The following PCSK2 variants were observed in gnomAD, a reference collection of about 807,000 sequenced individuals.
PCSK2 encodes the protein proprotein convertase subtilisin/kexin type 2, also known as neuroendocrine convertase 2.
A neutral mutation model predicts 69.7 loss-of-function variants in PCSK2; 14 were observed. The observed-to-expected ratio is 0.20, with a 90% CI of 0.13 to 0.31. The LOEUF is 0.31. Ranked by LOEUF, PCSK2 falls within the 10% of genes least tolerant of loss-of-function variation. The pLI is 1.00. For missense variants in PCSK2, 544 were observed against 842.5 expected (o/e 0.65, Z 4.39); for synonymous variants, 307 against 320.7 (o/e 0.96, Z 0.46).
chr20:17,353,192 G>C (rs146973926), intron 2 of PCSK2, among the ~76,000 whole-genome samples: 1,919 of 152,254 alleles, frequency 0.013, 15 homozygotes, highest in East Asian at 0.035. Flanking sequence ...GCTGGATGCG[G>C]TGGCTCATGC....
intron 10 of PCSK2, among the ~76,000 whole-genome samples, chr20:17,459,903 T>C (rs2032985197): frequency 6.6e-6 from 1 of 152,194 alleles, no homozygotes. Flanking sequence ...AGAGTGTGGG[T>C]AGCTGGCTTC....
At chr20:17,479,428 C>G (rs1031236802) in intron 11 of PCSK2, 13 of 603,676 alleles carry the variant, frequency 2.2e-5, no homozygotes, top group African/African-American at 2.0e-4. Context: ...TGGTACTCCT[C>G]CATGGTAGCG....
At chr20:17,397,632 C>T (rs2031540440) in intron 5 of PCSK2, among the ~76,000 whole-genome samples, 2 of 152,098 alleles carry the variant, frequency 1.3e-5, no homozygotes, top group African/African-American at 2.4e-5. Flanking sequence ...GTGCCCGCCA[C>T]CATGCCCAGC....
intron 3 of PCSK2, among the ~76,000 whole-genome samples, chr20:17,358,780 A>T (rs1399448622): frequency 6.6e-6 from 1 of 152,238 alleles, no homozygotes; most frequent in Admixed American, 6.5e-5. Flanking sequence ...AGAGTAATGC[A>T]GGGGTTTCAA....
intron 2 of PCSK2, among the ~76,000 whole-genome samples, chr20:17,311,149 C>T (rs1423238260): frequency 6.6e-6 from 1 of 152,114 alleles, no homozygotes; most frequent in African/African-American, 2.4e-5. Flanking sequence ...GGACACCCTC[C>T]ATTTTCATGT....
At chr20:17,364,841 G>A (rs931655814) in intron 4 of PCSK2, among the ~76,000 whole-genome samples, 2 of 152,154 alleles carry the variant, frequency 1.3e-5, no homozygotes, top group African/African-American at 4.8e-5. Context: ...TGAAGGCCCC[G>A]CTGGGCTGCA....
At chr20:17,369,150 A>G in intron 4 of PCSK2, 90 bp from the exon 5 acceptor site, 1 of 1,158,254 alleles carries the variant, frequency 8.6e-7, no homozygotes, top group Non-Finnish European at 1.3e-6. Context: ...CACCAGCCCC[A>G]TAAAGAGGGC....
At position 17,346,964 on chromosome 20, in the gene PCSK2, C is replaced by T. The variant is rs79861420; in HGVS notation, c.283-11363C>T. Among the ~76,000 whole-genome samples the T allele has an allele frequency of 4.6e-3, 693 of 152,240 alleles. 4 individuals carry two copies. The highest frequency in any genetic ancestry group is 7.0e-3 in the Non-Finnish European group (478 of 68,010). On this transcript the variant is annotated intron_variant, in intron 2 of 11. Transcript: ENST00000262545. ...TCCCTAATTACATTGATTTATCTCA[C>T]GGTATACCTTGTATCCAGAGCTTTA...
chr20:17,457,312 C>T (rs2032939729), intron 10 of PCSK2, among the ~76,000 whole-genome samples: 2 of 152,134 alleles, frequency 1.3e-5, no homozygotes, highest in South Asian at 2.1e-4. Context: ...AACCAGGGCT[C>T]CCAGCATCAA....
intron 1 of PCSK2, among the ~76,000 whole-genome samples, chr20:17,233,046 T>A (rs1005215949): frequency 5.3e-5 from 8 of 152,216 alleles, no homozygotes; most frequent in Admixed American, 1.3e-4. Context: ...GGTGCTTTGA[T>A]GATGTATAAT....
chr20:17,236,752 G>T (rs545299725), intron 1 of PCSK2, among the ~76,000 whole-genome samples: 2 of 152,290 alleles, frequency 1.3e-5, no homozygotes, highest in African/African-American at 2.4e-5. Flanking sequence ...CATGAAAAAG[G>T]AGCTGTCTCA....
At chr20:17,336,451 AC>A (rs1405826799) in intron 2 of PCSK2, among the ~76,000 whole-genome samples, 2 of 152,182 alleles carry the variant, frequency 1.3e-5, no homozygotes, top group East Asian at 3.8e-4. Context: ...TGCGAATGTC[AC>A]TGAATGATGG....
intron 2 of PCSK2, among the ~76,000 whole-genome samples, chr20:17,268,831 G>A (rs1013224762): frequency 8.5e-5 from 13 of 152,200 alleles, no homozygotes; most frequent in Non-Finnish European, 2.9e-5. Context: ...GAAGAGAAAA[G>A]CCAGTGGCAT....
In PCSK2 at chr20:17,241,752, A is replaced by T. The variant is rs929385871; in HGVS notation, c.177+14270A>T. On this transcript the variant is annotated intron_variant, in intron 1 of 11. Coordinates refer to ENST00000262545, the MANE Select transcript of PCSK2 (RefSeq NM_002594.5). ...AGCTAAGAACAAAACAATTAAATGC[A>T]CCTCCCCTGACATATAAATATATGA... 2.6e-5 allele frequency among the ~76,000 whole-genome samples: 4 copies of T among 152,208 alleles called. No individual in the cohort carries two copies. The East Asian group carries it at 7.7e-4, about 29-fold the overall frequency.
At chr20:17,449,860 T>G (rs1218052832) in intron 8 of PCSK2, among the ~76,000 whole-genome samples, 3 of 151,732 alleles carry the variant, frequency 2.0e-5, no homozygotes, top group Non-Finnish European at 2.9e-5. Context: ...AATTGACATC[T>G]CTGTGATCCT....
chr20:17,294,991 T>C (rs1988839154), intron 2 of PCSK2, among the ~76,000 whole-genome samples: 4 of 152,208 alleles, frequency 2.6e-5, no homozygotes, highest in Admixed American at 1.3e-4. Flanking sequence ...TTTATTAGTT[T>C]GGTGTTTAGC....
chr20:17,277,660 C>T (rs1271470652), intron 2 of PCSK2, among the ~76,000 whole-genome samples: 1 of 146,716 alleles, frequency 6.8e-6, no homozygotes, highest in Non-Finnish European at 1.5e-5. Flanking sequence ...TAGGCATGGG[C>T]AAGGACTTCA....
At chr20:17,335,742 G>T (rs535214628) in intron 2 of PCSK2, among the ~76,000 whole-genome samples, 1 of 151,508 alleles carries the variant, frequency 6.6e-6, no homozygotes, top group African/African-American at 2.4e-5. Flanking sequence ...GAGAACATAC[G>T]ATGTTTGATG....
intron 1 of PCSK2, among the ~76,000 whole-genome samples, chr20:17,252,199 T>C (rs1987008350): frequency 6.6e-6 from 1 of 152,176 alleles, no homozygotes; most frequent in African/African-American, 2.4e-5. Flanking sequence ...ACCTCATTTC[T>C]TGATATGGGG....
Sources: allele counts gnomAD v4.1 joint callset (sites outside exome capture counted in the v4.1 genomes callset), GRCh38; gene constraint gnomAD v4.1.1; transcripts MANE v1.5; gene names NCBI Gene and HGNC (gene_info 2026-07-23, HGNC 2026-07-21).